TSGA10: variants seen among roughly 807,000 people sequenced by gnomAD.
TSGA10 encodes testis specific 10.
A neutral mutation model predicts 96.6 loss-of-function variants in TSGA10; 43 were observed. That is an observed-to-expected ratio of 0.44 (90% CI 0.35 to 0.57). The LOEUF is 0.57. TSGA10 is among the 20% of genes least tolerant of loss of function. The pLI is 0.01. For missense variants in TSGA10, 703 were observed against 834.4 expected (o/e 0.84, Z 1.94); for synonymous variants, 229 against 269.9 (o/e 0.85, Z 1.48).
At chr2:99,019,920 T>C (rs1443220507) in intron 18 of TSGA10, among the ~76,000 whole-genome samples, 1 of 152,132 alleles carries the variant, frequency 6.6e-6, no homozygotes, top group Non-Finnish European at 1.5e-5. Context: ...CAAAAGAAAA[T>C]ATGATGTGGC....
intron 14 of TSGA10, 143 bp from the exon 15 acceptor site, chr2:99,069,141 C>A (rs2085627498): frequency 4.8e-6 from 2 of 418,894 alleles, no homozygotes; most frequent in East Asian, 7.4e-5. Context: ...AAAGAAAACA[C>A]ATAAGCCCAA....
chr2:99,006,737 C>T (rs1367004869), intron 20 of TSGA10, among the ~76,000 whole-genome samples: 3 of 152,268 alleles, frequency 2.0e-5, no homozygotes, highest in South Asian at 2.1e-4. Context: ...GTCAGTGTGG[C>T]GATTCCTCAG....
chr2:99,062,745 C>T (rs1045322447), intron 16 of TSGA10, among the ~76,000 whole-genome samples: 26 of 151,834 alleles, frequency 1.7e-4, no homozygotes, highest in African/African-American at 6.3e-4. Context: ...AACAAACAGA[C>T]AAACAAACTT....
chr2:99,031,286 CAAAAAAAAAAAAAAAAAA>C (rs70940132), intron 17 of TSGA10, among the ~76,000 whole-genome samples: 9 of 46,420 alleles, frequency 1.9e-4, no homozygotes, highest in Middle Eastern at 0.045. Context: ...ACTCATAGGC[CAAAAAAAAAAAAAAAAAA>C]AAAAAAAAGA....
intron 16 of TSGA10, among the ~76,000 whole-genome samples, chr2:99,055,478 CA>C (rs537574600): frequency 5.9e-4 from 79 of 133,244 alleles, no homozygotes; most frequent in East Asian, 1.1e-3. Context: ...GTTCTCACCA[CA>C]AAAAAAAAAA....
chr2:99,029,868 G>A (rs1279792364), intron 17 of TSGA10, among the ~76,000 whole-genome samples: 1 of 152,160 alleles, frequency 6.6e-6, no homozygotes, highest in Non-Finnish European at 1.5e-5. Flanking sequence ...AACTGACACC[G>A]TGCTTAAGTA....
intron 10 of TSGA10, among the ~76,000 whole-genome samples, chr2:99,083,546 TA>T (rs2087814108): frequency 6.6e-6 from 1 of 152,172 alleles, no homozygotes; most frequent in East Asian, 1.9e-4. Flanking sequence ...ACCTTATTTT[TA>T]ACAGCCAAAA....
chr2:99,080,877 T>A (rs183075581), intron 11 of TSGA10, among the ~76,000 whole-genome samples: 1 of 152,146 alleles, frequency 6.6e-6, no homozygotes, highest in Non-Finnish European at 1.5e-5. Context: ...TAACTAACAC[T>A]ATCCCCTTGG....
chr2:99,089,185 C>G (rs2088958444), intron 10 of TSGA10, among the ~76,000 whole-genome samples: 1 of 152,028 alleles, frequency 6.6e-6, no homozygotes, highest in Non-Finnish European at 1.5e-5. Context: ...TTACCTGGAG[C>G]TGAGATACTT....
In TSGA10 at chr2:99,105,673, G is replaced by T; in HGVS notation, c.235C>A (p.Arg79=). The change falls in exon 8 of 21, where the codon CGA becomes AGA. Residue 79 remains arginine, a synonymous_variant. Transcript: ENST00000393483. ...EQAQEEITRL[R]REMMKSCKSP... ...TTACAGCTTTTCATCATTTCTCGTC[G>T]AAGTCGGGTAATTTCTTCCTGTGCC... The T allele has an allele frequency of 6.3e-7, 1 of 1,591,790 alleles. No homozygotes were observed. Among genetic ancestry groups the T allele is most frequent in the South Asian group, 1.1e-5 (1 of 90,138 alleles).
In TSGA10 at chr2:99,081,225, A is replaced by G. The variant is rs2087447649; in HGVS notation, c.727+57T>C. 1.1e-5 allele frequency: 11 copies of G among 1,004,518 alleles called. No individual in the cohort carries two copies. In the South Asian group the frequency reaches 1.2e-4, roughly 11 times the overall value. 62.2% of individuals were successfully genotyped at this position (1,004,518 alleles called of 1,614,324 possible). A position where few individuals can be genotyped will look rare whatever the true frequency, so the allele number is the denominator to read the frequency against. ...TGTTATACTGAAGAGAAGAAAATAC[A>G]TCTTTGCTACCAAACTTAAGAAAAA... On this transcript the variant is annotated intron_variant, in intron 11 of 20. Coordinates refer to ENST00000393483, the MANE Select transcript of TSGA10 (RefSeq NM_025244.4).
At chr2:99,098,438 CA>C (rs59144676) in intron 10 of TSGA10, among the ~76,000 whole-genome samples, 42 of 92,564 alleles carry the variant, frequency 4.5e-4, no homozygotes, top group Admixed American at 1.2e-3. Flanking sequence ...GACTCTGCCT[CA>C]AAAAAAAAAA....
chr2:99,136,148 T>C (rs150101556), intron 1 of TSGA10, among the ~76,000 whole-genome samples: 66 of 152,320 alleles, frequency 4.3e-4, no homozygotes, highest in Non-Finnish European at 7.2e-4. Flanking sequence ...CTAATTCCTC[T>C]CACTGAGTCA....
intron 20 of TSGA10, among the ~76,000 whole-genome samples, chr2:99,016,099 T>C (rs1046834232): frequency 1.3e-5 from 2 of 152,134 alleles, no homozygotes; most frequent in African/African-American, 2.4e-5. Context: ...GCAAATTCAG[T>C]GCAGTTCCAA....
intron 17 of TSGA10, among the ~76,000 whole-genome samples, chr2:99,025,220 A>G (rs2080454759): frequency 6.6e-6 from 1 of 152,172 alleles, no homozygotes; most frequent in Admixed American, 6.5e-5. Context: ...TGCATCTTGA[A>G]TCATTTGGAA....
intron 13 of TSGA10, among the ~76,000 whole-genome samples, 176 bp downstream of exon 13, chr2:99,072,842 T>G (rs1009074425): frequency 6.6e-6 from 1 of 152,186 alleles, no homozygotes. Context: ...CCCCTTATTT[T>G]ACTTGGCAAA....
chr2:99,056,665 C>T (rs562813878), intron 16 of TSGA10, among the ~76,000 whole-genome samples: 1 of 152,002 alleles, frequency 6.6e-6, no homozygotes, highest in Non-Finnish European at 1.5e-5. Context: ...AGAATCAATG[C>T]AAATTCCATA....
At chr2:99,068,660 G>A (rs2085549662) in intron 15 of TSGA10, among the ~76,000 whole-genome samples, 1 of 152,066 alleles carries the variant, frequency 6.6e-6, no homozygotes, top group Non-Finnish European at 1.5e-5. Flanking sequence ...ATCCAGTTAG[G>A]AAGATTCTGC....
At chr2:99,050,403 C>T (rs1449103893) in intron 16 of TSGA10, among the ~76,000 whole-genome samples, 3 of 151,940 alleles carry the variant, frequency 2.0e-5, no homozygotes, top group African/African-American at 4.8e-5. Context: ...TTTTGAAAAG[C>T]GCAACTAGTA....
Sources: allele counts gnomAD v4.1 joint callset (sites outside exome capture counted in the v4.1 genomes callset), GRCh38; gene constraint gnomAD v4.1.1; transcripts MANE v1.5; gene names NCBI Gene and HGNC (gene_info 2026-07-23, HGNC 2026-07-21).